The following NTM variants were observed in gnomAD, a reference collection of about 807,000 sequenced individuals.
NTM encodes the protein IgLON family member 2.
NTM carries 13 observed loss-of-function variants against 42.1 expected under a neutral mutation model. The ratio of observed to expected loss-of-function variants is 0.31; its 90% CI spans 0.20 to 0.49. The LOEUF is 0.49. NTM is among the 20% of genes least tolerant of loss of function. NTM has a pLI of 0.99. For synonymous variants in NTM, 187 were observed against 179.2 expected (o/e 1.04, Z -0.35); for missense variants, 373 against 452.8 (o/e 0.82, Z 1.60).
intron 1 of NTM, among the ~76,000 whole-genome samples, chr11:131,474,986 A>G (rs551515538): frequency 1.3e-5 from 2 of 152,336 alleles, no homozygotes; most frequent in Admixed American, 6.5e-5. Context: ...TTGCTCTTTA[A>G]GGAATAACAA....
At position 132,119,441 on chromosome 11, in the gene NTM, C is replaced by T. The variant is rs373481176; in HGVS notation, c.168-26841C>T. On this transcript the variant is annotated intron_variant, in intron 2 of 8. Coordinates refer to ENST00000683400, the MANE Select transcript of NTM (RefSeq NM_001352005.2). ...GTCGCAGCAGCAGGAACAGCCAATT[C>T]CATTACCACCACCGGCCTCCACAGC... 2.3e-4 allele frequency among the ~76,000 whole-genome samples: 35 copies of T among 152,228 alleles called. 1 individual carries two copies. In the South Asian group the frequency reaches 7.1e-3, roughly 31 times the overall value.
At chr11:131,759,761 G>A (rs2083857295) in intron 1 of NTM, among the ~76,000 whole-genome samples, 1 of 151,412 alleles carries the variant, frequency 6.6e-6, no homozygotes, top group African/African-American at 2.4e-5. Flanking sequence ...CTTTATCCAG[G>A]TCATTAATTT....
chr11:131,874,136 CCTT>C (rs2048260967), intron 1 of NTM, among the ~76,000 whole-genome samples: 1 of 143,334 alleles, frequency 7.0e-6, no homozygotes, highest in Non-Finnish European at 1.5e-5. Context: ...AAAATAAAGG[CCTT>C]CTTGGTCTCA....
At position 132,212,036 on chromosome 11, in the gene NTM, G is replaced by A. The variant is rs1415605524; in HGVS notation, c.415G>A (p.Val139Ile). ...HLIVQVSPKI[V>I]EISSDISINE... is the part of the protein sequence containing the mutation. ...TGTTTCCACAGTATCTCCCAAAATT[G>A]TAGAGATTTCTTCAGATATCTCCAT... The change falls in exon 4 of 9, where the codon GTA becomes ATA. Residue 139 changes from valine to isoleucine, a missense_variant. Val to Ile is a conservative substitution (Grantham distance 29, BLOSUM62 3). Transcript: ENST00000683400. The A allele has an allele frequency of 6.2e-7, 1 of 1,608,650 alleles. No homozygotes were observed. Among genetic ancestry groups the A allele is most frequent in the Non-Finnish European group, 8.5e-7 (1 of 1,177,938 alleles).
At chr11:132,106,118 A>G (rs1208220267) in intron 2 of NTM, among the ~76,000 whole-genome samples, 2 of 152,220 alleles carry the variant, frequency 1.3e-5, no homozygotes, top group African/African-American at 4.8e-5. Context: ...AAGCTGAAAC[A>G]ATTGCCATTA....
At chr11:131,926,917 C>G (rs1483682391) in intron 2 of NTM, among the ~76,000 whole-genome samples, 1 of 152,184 alleles carries the variant, frequency 6.6e-6, no homozygotes, top group Admixed American at 6.5e-5. Context: ...TTAAAATGTG[C>G]ATGATATCCA....
chr11:132,260,410 C>G (rs544203274), intron 4 of NTM, among the ~76,000 whole-genome samples: 1 of 152,112 alleles, frequency 6.6e-6, no homozygotes, highest in Admixed American at 6.5e-5. Flanking sequence ...TCTGAATTAC[C>G]ATGGGAATGT....
At chr11:131,541,836 A>T (rs1185869434) in intron 1 of NTM, among the ~76,000 whole-genome samples, 1 of 152,244 alleles carries the variant, frequency 6.6e-6, no homozygotes, top group Non-Finnish European at 1.5e-5. Context: ...TAGTTGCTCA[A>T]TTAGCGTCAT....
intron 1 of NTM, among the ~76,000 whole-genome samples, chr11:131,650,012 G>C (rs944397828): frequency 1.3e-5 from 2 of 152,144 alleles, no homozygotes; most frequent in African/African-American, 4.8e-5. Context: ...ACCACAGACA[G>C]TTACACAGGA....
intron 1 of NTM, among the ~76,000 whole-genome samples, chr11:131,611,231 C>T (rs1454859837): frequency 6.6e-6 from 1 of 152,098 alleles, no homozygotes; most frequent in Non-Finnish European, 1.5e-5. Context: ...GAGGAGCTGG[C>T]TTTAGGAGGA....
At chr11:132,326,395 C>T (rs2095684534) in intron 7 of NTM, among the ~76,000 whole-genome samples, 1 of 152,104 alleles carries the variant, frequency 6.6e-6, no homozygotes, top group Non-Finnish European at 1.5e-5. Context: ...AGAGAGAACA[C>T]CATCCCATAG....
intron 1 of NTM, among the ~76,000 whole-genome samples, chr11:131,685,239 C>A (rs990961388): frequency 6.0e-5 from 9 of 151,172 alleles, no homozygotes; most frequent in African/African-American, 2.2e-4. Context: ...ACTGCCCAAC[C>A]CCAGTCAGTC....
intron 2 of NTM, among the ~76,000 whole-genome samples, chr11:132,037,462 A>G (rs894689943): frequency 1.2e-4 from 19 of 152,204 alleles, no homozygotes; most frequent in Non-Finnish European, 1.9e-4. Flanking sequence ...GACACTGGAC[A>G]ATAGTCAAAT....
intron 1 of NTM, among the ~76,000 whole-genome samples, chr11:131,798,300 C>T (rs1039207127): frequency 6.6e-6 from 1 of 152,186 alleles, no homozygotes; most frequent in South Asian, 2.1e-4. Context: ...ATGGACGTAG[C>T]CGAGAACTGG....
At chr11:131,379,683 C>T (rs558864589) in intron 1 of NTM, among the ~76,000 whole-genome samples, 64 of 152,298 alleles carry the variant, frequency 4.2e-4, no homozygotes, top group South Asian at 3.5e-3. Flanking sequence ...ATTCTACTAC[C>T]CACAGGACTG....
intron 4 of NTM, among the ~76,000 whole-genome samples, chr11:132,247,918 C>A (rs1368054366): frequency 6.6e-6 from 1 of 152,134 alleles, no homozygotes; most frequent in African/African-American, 2.4e-5. Flanking sequence ...TAGTTAACCC[C>A]TGAGAAAGGT....
intron 1 of NTM, among the ~76,000 whole-genome samples, chr11:131,614,602 T>G (rs777751114): frequency 3.3e-5 from 5 of 152,300 alleles, no homozygotes; most frequent in South Asian, 2.1e-4. Context: ...AGCTCTTCTG[T>G]GCCATTTGGC....
intron 2 of NTM, among the ~76,000 whole-genome samples, chr11:132,004,301 C>A (rs983771466): frequency 6.6e-6 from 1 of 151,994 alleles, no homozygotes; most frequent in Non-Finnish European, 1.5e-5. Flanking sequence ...GCTTTAAATC[C>A]ACTCCTGCCT....
At chr11:132,079,394 A>C (rs956900488) in intron 2 of NTM, among the ~76,000 whole-genome samples, 7 of 152,192 alleles carry the variant, frequency 4.6e-5, no homozygotes, top group Non-Finnish European at 1.0e-4. Context: ...CAACACCTAT[A>C]AACTCTAGCG....
Sources: gnomAD v4.1 joint callset for allele counts (sites outside exome capture counted in the v4.1 genomes callset) on GRCh38, gnomAD v4.1.1 for gene constraint, MANE v1.5 for transcripts, NCBI Gene and HGNC (gene_info 2026-07-23, HGNC 2026-07-21) for gene names.